LRMDA: variants seen among roughly 807,000 people sequenced by gnomAD.
LRMDA encodes the protein leucine rich melanocyte differentiation associated.
A neutral mutation model predicts 29.8 loss-of-function variants in LRMDA; 18 were observed. The observed-to-expected ratio is 0.60, with a 90% CI of 0.42 to 0.90. The LOEUF (loss-of-function observed/expected upper bound fraction) is 0.90. LRMDA is among the 40% of genes least tolerant of loss of function. The pLI is 0.00. For synonymous variants in LRMDA, 125 were observed against 109.4 expected (o/e 1.14, Z -0.89); for missense variants, 273 against 273.9 (o/e 1.00, Z 0.02).
intron 2 of LRMDA, among the ~76,000 whole-genome samples, chr10:76,028,277 A>G (rs1848093811): frequency 1.3e-5 from 2 of 152,174 alleles, no homozygotes; most frequent in Non-Finnish European, 2.9e-5. Context: ...TGAATTTTCC[A>G]TCCAAGGTTT....
Position 76,415,668 on chromosome 10 carries a change from G to A in LRMDA, c.601+91183G>A, listed in dbSNP as rs181879185. ...TCTGGAAAAGAAAGATTAAGGATAC[G>A]ATCCCATACACACTATCATCACCAT... On this transcript the variant is annotated intron_variant, in intron 6 of 6. Coordinates refer to ENST00000611255, the MANE Select transcript of LRMDA (RefSeq NM_001305581.2). Among the ~76,000 whole-genome samples the A allele has an allele frequency of 3.3e-5, 5 of 152,142 alleles. No individual in the cohort carries two copies. In the East Asian group the frequency reaches 5.8e-4, roughly 18 times the overall value.
At chr10:76,028,840 C>G (rs1385874314) in intron 2 of LRMDA, among the ~76,000 whole-genome samples, 1 of 138,034 alleles carries the variant, frequency 7.2e-6, no homozygotes, top group African/African-American at 2.7e-5. Context: ...TTTTTTTGAG[C>G]CGAGTCTCAC....
intron 1 of LRMDA, among the ~76,000 whole-genome samples, chr10:75,431,970 C>T (rs1224975343): frequency 6.6e-6 from 1 of 152,190 alleles, no homozygotes; most frequent in East Asian, 1.9e-4. Flanking sequence ...GGGAAGAACA[C>T]CCGCAAGGTC....
intron 5 of LRMDA, among the ~76,000 whole-genome samples, chr10:76,069,375 A>T (rs1159203394): frequency 1.3e-5 from 2 of 152,228 alleles, no homozygotes; most frequent in African/African-American, 2.4e-5. Context: ...TAATGCACAG[A>T]TGCTCTGTAA....
At chr10:75,810,014 G>A (rs989246367) in intron 2 of LRMDA, among the ~76,000 whole-genome samples, 1 of 152,184 alleles carries the variant, frequency 6.6e-6, no homozygotes, top group Non-Finnish European at 1.5e-5. Context: ...CATGAAGCGG[G>A]CCCTGCCTGA....
intron 6 of LRMDA, among the ~76,000 whole-genome samples, chr10:76,531,990 C>T (rs981884134): frequency 6.6e-6 from 1 of 152,176 alleles, no homozygotes; most frequent in Non-Finnish European, 1.5e-5. Flanking sequence ...TTCACTTCTT[C>T]TTTAGTCCTA....
At chr10:75,562,206 T>A (rs1840306773) in intron 2 of LRMDA, among the ~76,000 whole-genome samples, 1 of 152,170 alleles carries the variant, frequency 6.6e-6, no homozygotes, top group Non-Finnish European at 1.5e-5. Context: ...TTTATGAATC[T>A]GGGTGCTCCT....
At chr10:75,991,789 G>A (rs1318317012) in intron 2 of LRMDA, among the ~76,000 whole-genome samples, 1 of 152,190 alleles carries the variant, frequency 6.6e-6, no homozygotes, top group African/African-American at 2.4e-5. Flanking sequence ...CAAGCTCACA[G>A]AGTTAAATCT....
At chr10:76,218,718 A>G (rs562594166) in intron 5 of LRMDA, among the ~76,000 whole-genome samples, 1 of 152,288 alleles carries the variant, frequency 6.6e-6, no homozygotes, top group South Asian at 2.1e-4. Context: ...CTGTTGGTGG[A>G]TCAAATCACC....
At chr10:76,384,307 T>C (rs1841633587) in intron 6 of LRMDA, among the ~76,000 whole-genome samples, 2 of 152,256 alleles carry the variant, frequency 1.3e-5, no homozygotes, top group Non-Finnish European at 2.9e-5. Context: ...AATTGATATT[T>C]GTTATCTACT....
chr10:76,150,840 C>A (rs1413673237), intron 5 of LRMDA, among the ~76,000 whole-genome samples: 3 of 152,200 alleles, frequency 2.0e-5, no homozygotes, highest in African/African-American at 7.2e-5. Context: ...TGCGAAAAGA[C>A]GTTAAAACTT....
chr10:75,972,486 A>G (rs755123766), intron 2 of LRMDA, among the ~76,000 whole-genome samples: 1 of 152,100 alleles, frequency 6.6e-6, no homozygotes, highest in Non-Finnish European at 1.5e-5. Flanking sequence ...TTTTTGAAAA[A>G]CAATACAAAA....
chr10:75,966,089 A>G (rs917292657), intron 2 of LRMDA, among the ~76,000 whole-genome samples: 3 of 152,224 alleles, frequency 2.0e-5, no homozygotes, highest in South Asian at 4.1e-4. Flanking sequence ...CCAGGGTGCA[A>G]TGCTAGTTTC....
intron 2 of LRMDA, among the ~76,000 whole-genome samples, chr10:76,022,296 C>T (rs950743779): frequency 1.3e-5 from 2 of 152,120 alleles, no homozygotes; most frequent in African/African-American, 4.8e-5. Flanking sequence ...GAGCCAGTCA[C>T]CTGCTCTAAC....
intron 6 of LRMDA, among the ~76,000 whole-genome samples, chr10:76,539,655 T>A (rs1339535527): frequency 6.6e-6 from 1 of 152,128 alleles, no homozygotes; most frequent in Non-Finnish European, 1.5e-5. Context: ...GAATGTGCCA[T>A]CTCCATCTTT....
intron 6 of LRMDA, among the ~76,000 whole-genome samples, chr10:76,515,098 GC>G (rs1843046871): frequency 6.6e-6 from 1 of 152,152 alleles, no homozygotes; most frequent in Non-Finnish European, 1.5e-5. Context: ...TACTAAACAT[GC>G]CTTTCAGGGA....
intron 2 of LRMDA, among the ~76,000 whole-genome samples, chr10:75,488,886 A>G (rs1398031461): frequency 6.6e-6 from 1 of 152,148 alleles, no homozygotes; most frequent in Non-Finnish European, 1.5e-5. Context: ...TTTATGGCCA[A>G]GAGCCCCCTT....
chr10:75,957,806 T>C (rs1846689959), intron 2 of LRMDA, among the ~76,000 whole-genome samples: 1 of 152,006 alleles, frequency 6.6e-6, no homozygotes, highest in African/African-American at 2.4e-5. Flanking sequence ...GAGGCTTTTA[T>C]AAGAAGCTAA....
intron 2 of LRMDA, among the ~76,000 whole-genome samples, chr10:75,958,133 TATGTG>T (rs1846696558): frequency 6.6e-6 from 1 of 152,114 alleles, no homozygotes; most frequent in East Asian, 1.9e-4. Flanking sequence ...CACTGCTACT[TATGTG>T]AGGAGGAGAA....
Sources: allele counts gnomAD v4.1 joint callset (sites outside exome capture counted in the v4.1 genomes callset), GRCh38; gene constraint gnomAD v4.1.1; transcripts MANE v1.5; gene names NCBI Gene and HGNC (gene_info 2026-07-23, HGNC 2026-07-21).